NBEA: variants seen among roughly 807,000 people sequenced by gnomAD.
The protein encoded by NBEA is lysosomal-trafficking regulator 2.
Under a neutral mutation model 343.4 loss-of-function variants are expected in NBEA, and 44 were observed. The observed-to-expected ratio is 0.13, with a 90% CI of 0.10 to 0.16. The LOEUF is 0.16. NBEA is among the 10% of genes least tolerant of loss of function. The pLI, the probability that NBEA is intolerant of heterozygous loss-of-function variation, is 1.00. For missense variants in NBEA, 2,555 were observed against 3,631.3 expected (o/e 0.70, Z 7.62); for synonymous variants, 1,175 against 1,238.7 (o/e 0.95, Z 1.08).
intron 38 of NBEA, among the ~76,000 whole-genome samples, chr13:35,352,723 T>G (rs139223363): frequency 7.9e-5 from 12 of 152,230 alleles, no homozygotes; most frequent in African/African-American, 2.9e-4. Flanking sequence ...GAAGCATATA[T>G]AAGCATATAC....
chr13:35,574,380 CA>C (rs1313695369), intron 45 of NBEA, among the ~76,000 whole-genome samples: 2 of 124,782 alleles, frequency 1.6e-5, no homozygotes, highest in African/African-American at 3.2e-5. Context: ...TATACACTAT[CA>C]AAAAAAAAGA....
rs1462277719 is a variant in NBEA at position 34,987,868 on chromosome 13, A to G, written c.294+44754A>G. Among the ~76,000 whole-genome samples the G allele has an allele frequency of 2.7e-5, 4 of 150,816 alleles. 1 individual carries two copies. Among genetic ancestry groups the G allele is most frequent in the Non-Finnish European group, 5.9e-5 (4 of 67,412 alleles). On this transcript the variant is annotated intron_variant, in intron 1 of 58. Coordinates refer to ENST00000379939, the MANE Select transcript of NBEA (RefSeq NM_001385012.1). ...TCAGGTCATTTAAATTCTTCTATGCACTGTTTATTCTAGTTAGCCATTCAT... is the reference window on the plus strand; with the variant it reads ...TCAGGTCATTTAAATTCTTCTATGCGCTGTTTATTCTAGTTAGCCATTCAT...
chr13:35,435,490 C>T (rs1304881848), intron 39 of NBEA, among the ~76,000 whole-genome samples: 3 of 151,778 alleles, frequency 2.0e-5, no homozygotes, highest in Non-Finnish European at 4.4e-5. Context: ...GGGTGCCATA[C>T]CTGCAACTTC....
intron 46 of NBEA, among the ~76,000 whole-genome samples, chr13:35,590,998 C>A (rs2081513044): frequency 6.6e-6 from 1 of 152,042 alleles, no homozygotes; most frequent in South Asian, 2.1e-4. Flanking sequence ...AACTGGCAGT[C>A]TGGTGGGAAG....
chr13:35,234,703 T>C (rs984846137), intron 34 of NBEA, among the ~76,000 whole-genome samples: 4 of 152,126 alleles, frequency 2.6e-5, no homozygotes, highest in Non-Finnish European at 5.9e-5. Flanking sequence ...GACACAGGTT[T>C]GAAAGGGTTA....
At chr13:35,195,374 G>T (rs996027089) in intron 30 of NBEA, among the ~76,000 whole-genome samples, 1 of 151,836 alleles carries the variant, frequency 6.6e-6, no homozygotes, top group African/African-American at 2.4e-5. Context: ...AAAATAGTAG[G>T]TGTATTGGAT....
At chr13:35,103,825 A>G (rs2065776281) in intron 11 of NBEA, among the ~76,000 whole-genome samples, 2 of 151,822 alleles carry the variant, frequency 1.3e-5, no homozygotes, top group East Asian at 3.9e-4. Context: ...TACTGTCAAA[A>G]TGTATCCAGA....
intron 1 of NBEA, among the ~76,000 whole-genome samples, chr13:34,992,636 C>G (rs2060801158): frequency 6.6e-6 from 1 of 151,658 alleles, no homozygotes; most frequent in Admixed American, 6.6e-5. Context: ...AGTGTTTATT[C>G]TTGCTTTTTT....
intron 1 of NBEA, among the ~76,000 whole-genome samples, chr13:34,995,679 A>G (rs772127596): frequency 1.3e-5 from 2 of 152,230 alleles, no homozygotes; most frequent in Non-Finnish European, 2.9e-5. Flanking sequence ...CTGACTGTCA[A>G]CAGTTGACTG....
chr13:35,138,027 A>G, intron 17 of NBEA, among the ~76,000 whole-genome samples: 1 of 152,258 alleles, frequency 6.6e-6, no homozygotes, highest in East Asian at 1.9e-4. Context: ...GAATCTCATA[A>G]TTAGTAGAAA....
intron 2 of NBEA, among the ~76,000 whole-genome samples, chr13:35,041,568 A>G (rs1487794212): frequency 6.6e-6 from 1 of 152,066 alleles, no homozygotes; most frequent in Non-Finnish European, 1.5e-5. Flanking sequence ...AATCTGGCAT[A>G]TATGCAACTA....
At chr13:35,335,061 T>G (rs1370125506) in intron 36 of NBEA, among the ~76,000 whole-genome samples, 5 of 152,150 alleles carry the variant, frequency 3.3e-5, no homozygotes, top group Non-Finnish European at 7.4e-5. Context: ...CTAGTTTCAT[T>G]CTTCTGCATA....
chr13:34,985,477 C>T (rs1448942057), intron 1 of NBEA, among the ~76,000 whole-genome samples: 1 of 150,962 alleles, frequency 6.6e-6, no homozygotes, highest in African/African-American at 2.4e-5. Flanking sequence ...CGATGTTCAT[C>T]AGGGATATTG....
intron 30 of NBEA, chr13:35,185,620 C>T (rs1168911944): frequency 1.3e-5 from 2 of 152,132 alleles, no homozygotes; most frequent in African/African-American, 2.4e-5. Flanking sequence ...CCGGTTGTAT[C>T]TGCCCAGATT....
intron 33 of NBEA, among the ~76,000 whole-genome samples, chr13:35,219,727 G>C (rs559039789): frequency 1.3e-5 from 2 of 152,026 alleles, no homozygotes; most frequent in Non-Finnish European, 2.9e-5. Context: ...CCAAAAGCTG[G>C]CTGGCTCAAG....
chr13:35,286,680 AATAAAG>A (rs572256516), intron 34 of NBEA, among the ~76,000 whole-genome samples: 2 of 152,144 alleles, frequency 1.3e-5, no homozygotes, highest in Non-Finnish European at 2.9e-5. Context: ...GTTTGTATTA[AATAAAG>A]ATAGCTTTGT....
chr13:35,666,259 C>T (rs576353863), intron 56 of NBEA, among the ~76,000 whole-genome samples: 14 of 151,762 alleles, frequency 9.2e-5, no homozygotes, highest in Non-Finnish European at 1.6e-4. Flanking sequence ...AGCCTTTCTA[C>T]GGAGAATGGA....
At chr13:35,272,419 C>T (rs1311970417) in intron 34 of NBEA, among the ~76,000 whole-genome samples, 1 of 152,120 alleles carries the variant, frequency 6.6e-6, no homozygotes, top group East Asian at 1.9e-4. Context: ...TTGTAAAGAC[C>T]CTCAACGCTA....
intron 51 of NBEA, among the ~76,000 whole-genome samples, chr13:35,647,817 A>C (rs2769320): frequency 2.0e-5 from 3 of 152,116 alleles, no homozygotes; most frequent in Non-Finnish European, 2.9e-5. Flanking sequence ...TGCCTGCCTC[A>C]GCCTCCCAAA....
Sources: gnomAD v4.1 joint callset for allele counts (sites outside exome capture counted in the v4.1 genomes callset) on GRCh38, gnomAD v4.1.1 for gene constraint, MANE v1.5 for transcripts, NCBI Gene and HGNC (gene_info 2026-07-23, HGNC 2026-07-21) for gene names.